IL1RAPL2: variants seen among roughly 807,000 people sequenced by gnomAD.
IL1RAPL2 encodes X-linked interleukin-1 receptor accessory protein-like 2.
A neutral mutation model predicts 44.1 loss-of-function variants in IL1RAPL2; 3 were observed. The observed-to-expected ratio is 0.07, with a 90% CI of 0.03 to 0.18. The LOEUF is 0.18. Ranked by LOEUF, IL1RAPL2 falls within the 10% of genes least tolerant of loss-of-function variation. The probability of loss-of-function intolerance (pLI) is 1.00; values close to 1 mark genes in which losing one functional copy is unlikely to be tolerated. For missense variants in IL1RAPL2, 391 were observed against 496.4 expected (o/e 0.79, Z 2.02); for synonymous variants, 181 against 178.8 (o/e 1.01, Z -0.10).
chrX:104,985,215 G>A (rs1602870281), intron 2 of IL1RAPL2, among the ~76,000 whole-genome samples: 1 of 109,963 alleles, frequency 9.1e-6, no homozygotes, highest in African/African-American at 3.3e-5. Context: ...AGCCTCCCAA[G>A]TAGCTGGGAT....
intron 6 of IL1RAPL2, among the ~76,000 whole-genome samples, chrX:105,663,219 A>G (rs1602508215): frequency 8.9e-6 from 1 of 112,176 alleles, no homozygotes; most frequent in Non-Finnish European, 1.9e-5. Flanking sequence ...AATAAGAAAA[A>G]GTTATGTAAT....
At chrX:105,766,655 C>A (rs941418504) in intron 10 of IL1RAPL2, among the ~76,000 whole-genome samples, 1 of 111,518 alleles carries the variant, frequency 9.0e-6, no homozygotes, top group East Asian at 2.8e-4. Context: ...AGAGTACTAG[C>A]TTGGAAGCCT....
intron 5 of IL1RAPL2, among the ~76,000 whole-genome samples, chrX:105,416,708 G>A (rs1027699952): frequency 1.8e-5 from 2 of 110,825 alleles, no homozygotes; most frequent in Non-Finnish European, 3.8e-5. Context: ...CCTTCTCTCC[G>A]TAGCCTTCCT....
chrX:104,732,661 G>A (rs761843620), intron 2 of IL1RAPL2, among the ~76,000 whole-genome samples: 50 of 111,290 alleles, frequency 4.5e-4, no homozygotes, highest in Middle Eastern at 4.9e-3. Context: ...AAATCACCAG[G>A]CCTAGAGGAT....
intron 3 of IL1RAPL2, chrX:105,218,992 T>C: frequency 8.3e-7 from 1 of 1,210,358 alleles, no homozygotes; most frequent in South Asian, 1.8e-5. Flanking sequence ...CCAGATTCCC[T>C]TCCCACAGTC....
intron 2 of IL1RAPL2, among the ~76,000 whole-genome samples, chrX:105,178,462 G>A (rs1345813890): frequency 9.0e-6 from 1 of 111,724 alleles, no homozygotes; most frequent in Non-Finnish European, 1.9e-5. Flanking sequence ...TTTAATATAC[G>A]GATTCCCTTT....
chrX:105,471,077 G>A (rs1259165629), intron 5 of IL1RAPL2, among the ~76,000 whole-genome samples: 1 of 112,303 alleles, frequency 8.9e-6, no homozygotes, highest in East Asian at 2.8e-4. Flanking sequence ...ACAGCTCGAT[G>A]TTCTCTTTAA....
intron 5 of IL1RAPL2, among the ~76,000 whole-genome samples, chrX:105,452,112 A>T (rs1443609724): frequency 9.0e-6 from 1 of 111,203 alleles, no homozygotes; most frequent in East Asian, 2.8e-4. Flanking sequence ...CCTCTCTTTT[A>T]TTGTAAATAT....
intron 3 of IL1RAPL2, among the ~76,000 whole-genome samples, chrX:105,208,265 T>A (rs185912749): frequency 8.9e-6 from 1 of 112,111 alleles, no homozygotes; most frequent in African/African-American, 3.2e-5. Flanking sequence ...ACTCAACTAA[T>A]GAGCACCTTA....
chrX:104,791,169 C>T (rs1932823948), intron 2 of IL1RAPL2, among the ~76,000 whole-genome samples: 1 of 108,747 alleles, frequency 9.2e-6, no homozygotes, highest in Admixed American at 9.9e-5. Flanking sequence ...GCCTTGCCTG[C>T]CCTGCCTTGC....
At chrX:105,210,833 A>G (rs2033802699) in intron 3 of IL1RAPL2, among the ~76,000 whole-genome samples, 1 of 111,019 alleles carries the variant, frequency 9.0e-6, no homozygotes, top group Admixed American at 9.6e-5. Flanking sequence ...CTAGGTCCAC[A>G]TGCCCCAGGT....
intron 6 of IL1RAPL2, among the ~76,000 whole-genome samples, chrX:105,514,239 A>C (rs2036494563): frequency 9.0e-6 from 1 of 111,678 alleles, no homozygotes; most frequent in African/African-American, 3.3e-5. Context: ...TACCTATCCC[A>C]GTTTCAGATT....
At chrX:104,863,686 A>G (rs866387775) in intron 2 of IL1RAPL2, among the ~76,000 whole-genome samples, 1 of 112,175 alleles carries the variant, frequency 8.9e-6, no homozygotes, top group Non-Finnish European at 1.9e-5. Flanking sequence ...CTAAGCTGTA[A>G]AGAATGGTTG....
At chrX:105,496,769 A>G (rs772680983) in intron 6 of IL1RAPL2, among the ~76,000 whole-genome samples, 2 of 111,898 alleles carry the variant, frequency 1.8e-5, no homozygotes, top group Non-Finnish European at 3.8e-5. Flanking sequence ...CTGTAACTCT[A>G]CTATTATGTA....
At position 105,499,514 on chromosome X, in the gene IL1RAPL2, A is replaced by G. The variant is rs765605311; in HGVS notation, c.772+15127A>G. 1.7e-4 allele frequency among the ~76,000 whole-genome samples: 19 copies of G among 112,165 alleles called. No individual in the cohort carries two copies. In the East Asian group the frequency reaches 5.4e-3, roughly 32 times the overall value. On this transcript the variant is annotated intron_variant, in intron 6 of 10. Transcript: ENST00000372582. ...ATTTAACAAAAGTCTAATATCTAAA[A>G]TATCTGAGTAACTCCTACAACTCAA...
chrX:105,552,288 G>T (rs1008209037), intron 6 of IL1RAPL2, among the ~76,000 whole-genome samples: 6 of 111,507 alleles, frequency 5.4e-5, no homozygotes, highest in Admixed American at 9.6e-5. Flanking sequence ...TTAACAAACT[G>T]CCTGGCTCAT....
At chrX:104,925,676 A>C (rs905485640) in intron 2 of IL1RAPL2, among the ~76,000 whole-genome samples, 3 of 111,768 alleles carry the variant, frequency 2.7e-5, no homozygotes, top group African/African-American at 9.8e-5. Flanking sequence ...ACTCTCAATA[A>C]ACTAGGTATT....
intron 6 of IL1RAPL2, among the ~76,000 whole-genome samples, chrX:105,630,455 C>T (rs1434214661): frequency 9.2e-6 from 1 of 108,632 alleles, no homozygotes; most frequent in East Asian, 2.9e-4. Context: ...TAGTAAGCAT[C>T]AGTGCTAAGA....
At chrX:105,405,249 C>T (rs2035634750) in intron 5 of IL1RAPL2, among the ~76,000 whole-genome samples, 1 of 111,265 alleles carries the variant, frequency 9.0e-6, no homozygotes, top group Non-Finnish European at 1.9e-5. Context: ...GATATAAATA[C>T]TCAAACATTC....
Sources: gnomAD v4.1 joint callset for allele counts (sites outside exome capture counted in the v4.1 genomes callset) on GRCh38, gnomAD v4.1.1 for gene constraint, MANE v1.5 for transcripts, NCBI Gene and HGNC (gene_info 2026-07-23, HGNC 2026-07-21) for gene names.